The following APOL5 variants were observed in gnomAD, a reference collection of about 807,000 sequenced individuals.
APOL5 encodes apolipoprotein L, 5.
A neutral mutation model predicts 35.5 loss-of-function variants in APOL5; 29 were observed. The ratio of observed to expected loss-of-function variants is 0.82; its 90% CI spans 0.61 to 1.11. APOL5 has a LOEUF of 1.11. Ranked by LOEUF, APOL5 falls within the 50% of genes most tolerant of loss-of-function variation. The pLI, the probability that APOL5 is intolerant of heterozygous loss-of-function variation, is 0.00. For synonymous variants in APOL5, 188 were observed against 200.2 expected, an observed-to-expected ratio of 0.94 and a Z score of 0.51; for missense variants, 514 against 530.4, an observed-to-expected ratio of 0.97 and a Z score of 0.30.
At chr22:35,713,246 A>G (rs931404548), upstream of APOL5, among the ~76,000 whole-genome samples, 46 of 152,070 alleles carry the variant, frequency 3.0e-4, no homozygotes, top group Non-Finnish European at 4.4e-4. Flanking sequence ...CTTGTTGCTT[A>G]TGGGTAATTT....
At chr22:35,723,854 G>A (rs1313232771) in intron 2 of APOL5, among the ~76,000 whole-genome samples, 1 of 152,324 alleles carries the variant, frequency 6.6e-6, no homozygotes, top group East Asian at 1.9e-4. Context: ...CTACTCGGGA[G>A]GCTGAGGCAG....
At chr22:35,719,692 T>C (rs1055062972) in intron 1 of APOL5, among the ~76,000 whole-genome samples, 20 of 152,028 alleles carry the variant, frequency 1.3e-4, no homozygotes, top group Non-Finnish European at 2.8e-4. Context: ...GACCGGCAGG[T>C]CTTGGGGAGC....
chr22:35,726,874 C>T lies in APOL5; in HGVS notation c.806C>T (p.Pro269Leu), dbSNP rs759163236. 2.5e-6 allele frequency: 4 copies of T among 1,614,234 alleles called. No homozygotes were observed. Among genetic ancestry groups the T allele is most frequent in the Non-Finnish European group, 3.4e-6 (4 of 1,180,046 alleles). ...AATTTTGTGGCCAAGAGACACATCC[C>T]TTTCTGGACGGCTAGAGGGGTGCAG... Reference protein sequence around the residue: ...VKNFVAKRHIPFWTARGVQRA... With the variant: ...VKNFVAKRHILFWTARGVQRA... Residue 269 changes from proline (P) to leucine (L), a missense_variant, in exon 3 of 5, where the codon CCT becomes CTT. By Grantham distance (98) the Pro-to-Leu change is moderately conservative. Transcript: ENST00000249044.
At chr22:35,728,938 G>C (rs776467421) in intron 4 of APOL5, 34 bp downstream of exon 4, 1 of 1,544,442 alleles carries the variant, frequency 6.5e-7, no homozygotes, top group African/African-American at 1.4e-5. Flanking sequence ...GGAGCTGTGG[G>C]AACCCCTGAC....
At position 35,726,546 on chromosome 22, in the gene APOL5, C is replaced by T. The variant is rs1927165536; in HGVS notation, c.478C>T (p.Pro160Ser). The T allele has an allele frequency of 6.2e-7, 1 of 1,614,046 alleles. No homozygotes were observed. Among genetic ancestry groups the T allele is most frequent in the Non-Finnish European group, 8.5e-7 (1 of 1,180,042 alleles). The part of the protein sequence containing the change: ...VMNILGLALA[P>S]VTAGGSLMLS... ...GAACATCCTGGGTTTGGCCCTAGCA[C>T]CTGTGACAGCAGGAGGCAGTCTCAT... Residue 160 changes from proline to serine, a missense_variant, in exon 3 of 5, where the codon CCT becomes TCT. Pro to Ser is a moderately conservative substitution (Grantham distance 74). This residue lies in a region of APOL5 where 254 missense variants were observed against 254.7 expected (regional missense o/e 1.00). Coordinates refer to ENST00000249044, the MANE Select transcript of APOL5 (RefSeq NM_030642.1).
chr22:35,709,216 C>G, the APOL5 span, among the ~76,000 whole-genome samples: 1 of 152,114 alleles, frequency 6.6e-6, no homozygotes, highest in African/African-American at 2.4e-5. Flanking sequence ...GAATAAAAAG[C>G]TAATGCGATA....
upstream of APOL5, chr22:35,717,756 A>AAAAAAC (rs1926808146): frequency 2.8e-6 from 1 of 361,974 alleles, no homozygotes; most frequent in African/African-American, 5.3e-5. Flanking sequence ...AAAAAAAAGA[A>AAAAAAC]AGAAAAGAAA....
the APOL5 span, among the ~76,000 whole-genome samples, chr22:35,712,249 T>G: frequency 6.6e-6 from 1 of 152,122 alleles, no homozygotes; most frequent in Non-Finnish European, 1.5e-5. Context: ...ACTCAAATGA[T>G]CCTCCTGCCC....
At chr22:35,722,795 C>G (rs1240919032) in intron 2 of APOL5, among the ~76,000 whole-genome samples, 1 of 152,190 alleles carries the variant, frequency 6.6e-6, no homozygotes, top group Admixed American at 6.5e-5. Flanking sequence ...TCCCAAAGAG[C>G]CTAGATGTGT....
chr22:35,723,594 TC>T (rs1269547281), intron 2 of APOL5, among the ~76,000 whole-genome samples: 1 of 152,066 alleles, frequency 6.6e-6, no homozygotes, highest in Non-Finnish European at 1.5e-5. Context: ...ATTTACAAGC[TC>T]CCCCCACTTG....
chr22:35,720,475 T>C, intron 1 of APOL5, 93 bp from the exon 2 acceptor site: 1 of 1,008,606 alleles, frequency 9.9e-7, no homozygotes, highest in Non-Finnish European at 1.5e-6. Context: ...TCCAATATTG[T>C]AATTAGACAG....
intron 1 of APOL5, among the ~76,000 whole-genome samples, 186 bp from the exon 2 acceptor site, chr22:35,720,382 T>C (rs1448818290): frequency 6.6e-6 from 1 of 152,246 alleles, no homozygotes; most frequent in Admixed American, 6.5e-5. Flanking sequence ...CCATGGTTTG[T>C]TTGTTTAAAA....
At chr22:35,727,306 C>A in intron 3 of APOL5, 112 bp downstream of exon 3, 1 of 1,455,170 alleles carries the variant, frequency 6.9e-7, no homozygotes, top group East Asian at 2.3e-5. Flanking sequence ...TACAGCTGCC[C>A]CTTCTGCAAA....
At chr22:35,713,623 T>G (rs546832627), upstream of APOL5, among the ~76,000 whole-genome samples, 1 of 152,314 alleles carries the variant, frequency 6.6e-6, no homozygotes, top group East Asian at 1.9e-4. Context: ...GTTTTCTTCT[T>G]TAGGAGGGGA....
At chr22:35,712,029 C>T in the APOL5 span, among the ~76,000 whole-genome samples, 1 of 150,804 alleles carries the variant, frequency 6.6e-6, no homozygotes, top group Non-Finnish European at 1.5e-5. Context: ...TTTTTTGAGA[C>T]AGGGTCTCAC....
At position 35,726,309 on chromosome 22, in the gene APOL5, G is replaced by A. The variant is rs5999985; in HGVS notation, c.241G>A (p.Glu81Lys). 4,446 of 1,614,164 alleles carry A rather than the reference G, an allele frequency of 2.8e-3. 83 individuals carry two copies. In the African/African-American group the frequency reaches 0.046, roughly 17 times the overall value. ...AGMLSYFLFE[E>K]LMRCDKDSMP... ...TATGCTGTCCTACTTTCTGTTTGAA[G>A]AGCTGATGCGATGTGACAAAGATTC... Residue 81 changes from glutamate (E) to lysine (K), a missense_variant, in exon 3 of 5, where the codon GAG becomes AAG. Physicochemically the swap from Glu to Lys is moderately conservative, Grantham distance 56 (BLOSUM62 1). Around this residue, in one of 3 missense-constraint regions of APOL5, gnomAD observed 254 missense variants for 254.7 expected, o/e 1.00. Transcript: ENST00000249044.
At chr22:35,713,512 G>A (rs138569571), upstream of APOL5, among the ~76,000 whole-genome samples, 1 of 152,034 alleles carries the variant, frequency 6.6e-6, no homozygotes, top group Non-Finnish European at 1.5e-5. Context: ...TCCATCCTCC[G>A]TGGATTTTAT....
chr22:35,723,305 G>T (rs1927037264), intron 2 of APOL5, among the ~76,000 whole-genome samples: 1 of 152,148 alleles, frequency 6.6e-6, no homozygotes, highest in Non-Finnish European at 1.5e-5. Context: ...CAGCCTAAGG[G>T]ATATACAAGT....
At chr22:35,728,994 G>C in intron 4 of APOL5, 90 bp downstream of exon 4, 2 of 1,375,878 alleles carry the variant, frequency 1.5e-6, no homozygotes, top group South Asian at 3.1e-5. Flanking sequence ...GGGAAAGAGA[G>C]GGAGGGCCTA....
Sources: gnomAD v4.1 joint callset for allele counts (sites outside exome capture counted in the v4.1 genomes callset) on GRCh38, gnomAD v4.1.1 for gene constraint, gnomAD v4.1.1 regional missense constraint, MANE v1.5 for transcripts, NCBI Gene and HGNC (gene_info 2026-07-23, HGNC 2026-07-21) for gene names.